Variants in LAMA2 observed in about 807,000 individuals in gnomAD.
LAMA2 encodes the protein laminin subunit alpha 2.
Under a neutral mutation model 364.8 loss-of-function variants are expected in LAMA2, and 269 were observed. The observed-to-expected ratio is 0.74, with a 90% CI of 0.67 to 0.82. The LOEUF is 0.82. Ranked by LOEUF, LAMA2 falls within the 40% of genes least tolerant of loss-of-function variation. The pLI, the probability that LAMA2 is intolerant of heterozygous loss-of-function variation, is 0.00. For missense variants in LAMA2, 3,807 were observed against 3,873.2 expected (o/e 0.98, Z 0.45); for synonymous variants, 1,379 against 1,370.6 (o/e 1.01, Z -0.14).
intron 40 of LAMA2, among the ~76,000 whole-genome samples, chr6:129,420,506 G>C (rs1021200393): frequency 5.3e-5 from 8 of 152,012 alleles, no homozygotes; most frequent in Non-Finnish European, 1.2e-4. Context: ...AAATGTGTAA[G>C]ACTTCTCTTC....
chr6:129,018,829 C>G (rs1785242414), intron 1 of LAMA2, among the ~76,000 whole-genome samples: 1 of 152,056 alleles, frequency 6.6e-6, no homozygotes, highest in Non-Finnish European at 1.5e-5. Flanking sequence ...TTGTCTAATA[C>G]TAAAACATCT....
chr6:128,952,233 A>T (rs9482961), intron 1 of LAMA2, among the ~76,000 whole-genome samples: 3,602 of 152,292 alleles, frequency 0.024, 129 homozygotes, highest in African/African-American at 0.083. Context: ...AAAAGAAAAA[A>T]TACTCTCTTT....
At chr6:129,264,430 C>T (rs1174734223) in intron 15 of LAMA2, among the ~76,000 whole-genome samples, 6 of 151,844 alleles carry the variant, frequency 4.0e-5, no homozygotes, top group East Asian at 1.9e-4. Context: ...TAGAAATTTT[C>T]GATTTGAAAA....
In LAMA2 at chr6:128,992,594, G is replaced by C. The variant is rs952013367; in HGVS notation, c.113-57324G>C. Among the ~76,000 whole-genome samples the C allele has an allele frequency of 1.3e-4, 20 of 152,266 alleles. 1 individual carries two copies. The highest frequency in any genetic ancestry group is 1.0e-3 in the Admixed American group (16 of 15,302). On this transcript the variant is annotated intron_variant, in intron 1 of 64. Coordinates refer to ENST00000421865, the MANE Select transcript of LAMA2 (RefSeq NM_000426.4). ...TTGGGTTTCAGGATGACAAGGTACA[G>C]GGCCCAGGGACTGGCATTTAAAGAG...
chr6:129,485,483 A>C (rs191067356), intron 55 of LAMA2, among the ~76,000 whole-genome samples: 1 of 152,350 alleles, frequency 6.6e-6, no homozygotes, highest in Non-Finnish European at 1.5e-5. Flanking sequence ...TAAGTCTGTT[A>C]GACATAATTA....
At chr6:129,170,860 G>T (rs1243148132) in intron 9 of LAMA2, among the ~76,000 whole-genome samples, 1 of 149,028 alleles carries the variant, frequency 6.7e-6, no homozygotes, top group East Asian at 2.0e-4. Flanking sequence ...GGGTGCTCCT[G>T]TATTGGGTGC....
chr6:128,976,061 T>C (rs1184840122), intron 1 of LAMA2, among the ~76,000 whole-genome samples: 2 of 152,116 alleles, frequency 1.3e-5, no homozygotes, highest in Non-Finnish European at 1.5e-5. Context: ...ATTAAAAGGA[T>C]GTGAAGTAAT....
chr6:129,430,509 G>A (rs550808649), intron 41 of LAMA2, among the ~76,000 whole-genome samples: 1 of 152,306 alleles, frequency 6.6e-6, no homozygotes, highest in Admixed American at 6.5e-5. Context: ...CCTTGTGTGA[G>A]TTTGAGATTT....
intron 1 of LAMA2, among the ~76,000 whole-genome samples, chr6:128,958,707 C>T (rs935429693): frequency 2.6e-5 from 4 of 152,124 alleles, no homozygotes; most frequent in African/African-American, 9.7e-5. Context: ...TATATTTTCA[C>T]TGAATTTAAT....
At chr6:128,886,212 G>T (rs1776140320) in intron 1 of LAMA2, among the ~76,000 whole-genome samples, 1 of 151,974 alleles carries the variant, frequency 6.6e-6, no homozygotes, top group South Asian at 2.1e-4. Context: ...TTACTAACAA[G>T]TTCAGAAATT....
chr6:129,421,026 A>G (rs1467128518), intron 40 of LAMA2, among the ~76,000 whole-genome samples: 1 of 152,174 alleles, frequency 6.6e-6, no homozygotes, highest in African/African-American at 2.4e-5. Context: ...TTTGTTGGGT[A>G]AATAAATCAA....
At chr6:129,117,894 G>A (rs1156933514) in intron 4 of LAMA2, among the ~76,000 whole-genome samples, 1 of 152,150 alleles carries the variant, frequency 6.6e-6, no homozygotes, top group African/African-American at 2.4e-5. Flanking sequence ...CAGGCTGATG[G>A]TATAGTCTGC....
chr6:129,485,475 A>C (rs1198096164), intron 55 of LAMA2, among the ~76,000 whole-genome samples: 2 of 152,246 alleles, frequency 1.3e-5, no homozygotes, highest in Non-Finnish European at 2.9e-5. Context: ...AAATAGTATA[A>C]GTCTGTTAGA....
chr6:129,055,176 T>TTTATTATTTATTATTA (rs1554207594), intron 2 of LAMA2, among the ~76,000 whole-genome samples: 12 of 123,768 alleles, frequency 9.7e-5, no homozygotes, highest in African/African-American at 4.0e-4. Flanking sequence ...ATTATTATTA[T>TTTATTATTTATTATTA]TTATTATTAT....
chr6:129,386,241 T>C (rs542258193), intron 35 of LAMA2, among the ~76,000 whole-genome samples: 4 of 152,116 alleles, frequency 2.6e-5, no homozygotes, highest in Non-Finnish European at 4.4e-5. Flanking sequence ...AGAAAATATA[T>C]TGAAGTGATA....
At chr6:129,207,331 T>G (rs535583335) in intron 12 of LAMA2, among the ~76,000 whole-genome samples, 1 of 152,318 alleles carries the variant, frequency 6.6e-6, no homozygotes, top group African/African-American at 2.4e-5. Context: ...GTTTACAATG[T>G]TTTAATTTCT....
At chr6:129,450,227 T>C (rs1450747056) in intron 45 of LAMA2, among the ~76,000 whole-genome samples, 1 of 152,174 alleles carries the variant, frequency 6.6e-6, no homozygotes, top group Non-Finnish European at 1.5e-5. Flanking sequence ...GATCACATAT[T>C]ACATTTATAT....
chr6:129,160,421 G>T lies in LAMA2; in HGVS notation c.1207-5155G>T, dbSNP rs561233220. Among the ~76,000 whole-genome samples, 6 of 152,112 alleles carry T rather than the reference G, an allele frequency of 3.9e-5. No individual in the cohort carries two copies. The South Asian group carries it at 1.2e-3, about 32-fold the overall frequency. On this transcript the variant is annotated intron_variant, in intron 8 of 64. Coordinates refer to ENST00000421865, the MANE Select transcript of LAMA2 (RefSeq NM_000426.4). ...CCTTATTATCTTCTTGAAGTCTATA[G>T]CATCTATATAGATATCCCCTGTGTA...
chr6:129,161,334 A>G (rs1389953290), intron 8 of LAMA2, among the ~76,000 whole-genome samples: 4 of 152,090 alleles, frequency 2.6e-5, no homozygotes, highest in African/African-American at 9.7e-5. Flanking sequence ...TATCCTGACA[A>G]TTACTGTGTG....
Sources: allele counts gnomAD v4.1 joint callset (sites outside exome capture counted in the v4.1 genomes callset), GRCh38; gene constraint gnomAD v4.1.1; transcripts MANE v1.5; gene names NCBI Gene and HGNC (gene_info 2026-07-23, HGNC 2026-07-21).